Variants in WDFY4 observed in about 807,000 individuals in gnomAD.
WDFY4 encodes the protein WDFY family member 4, also known as WD repeat- and FYVE domain-containing protein 4.
Under a neutral mutation model 351.9 loss-of-function variants are expected in WDFY4, and 169 were observed. The ratio of observed to expected loss-of-function variants is 0.48; its 90% CI spans 0.42 to 0.55. WDFY4 has a LOEUF of 0.55. WDFY4 is among the 20% of genes least tolerant of loss of function. The pLI is 0.00. For missense variants in WDFY4, 3,803 were observed against 3,935.6 expected (o/e 0.97, Z 0.90); for synonymous variants, 1,622 against 1,574.6 (o/e 1.03, Z -0.71).
intron 31 of WDFY4, among the ~76,000 whole-genome samples, chr10:48,814,893 T>G (rs2067570029): frequency 6.6e-6 from 1 of 152,224 alleles, no homozygotes; most frequent in Non-Finnish European, 1.5e-5. Flanking sequence ...TGAGACCACA[T>G]GTACCCCTTT....
At chr10:48,787,884 TC>T (rs2066488242) in intron 20 of WDFY4, among the ~76,000 whole-genome samples, 17 of 89,914 alleles carry the variant, frequency 1.9e-4, no homozygotes, top group Middle Eastern at 6.3e-3. Context: ...CTTTCTTTCT[TC>T]TTCTTCTCCT....
intron 23 of WDFY4, among the ~76,000 whole-genome samples, chr10:48,792,608 G>A (rs2066721153): frequency 6.6e-6 from 1 of 152,146 alleles, no homozygotes; most frequent in Admixed American, 6.5e-5. Flanking sequence ...GCTGTGGTTA[G>A]GGATTTTAAT....
chr10:48,721,826 G>T (rs1275894835), intron 4 of WDFY4, among the ~76,000 whole-genome samples: 2 of 152,164 alleles, frequency 1.3e-5, no homozygotes, highest in Non-Finnish European at 2.9e-5. Context: ...CTGTGCACCT[G>T]CAGTCTATCT....
At chr10:48,939,778 G>A (rs183017601) in intron 47 of WDFY4, among the ~76,000 whole-genome samples, 2 of 152,314 alleles carry the variant, frequency 1.3e-5, no homozygotes, top group East Asian at 1.9e-4. Context: ...TGCTGGTAAT[G>A]GCGTCTTTCT....
chr10:48,979,624 C>CGGGT, intron 60 of WDFY4: 1 of 127,066 alleles, frequency 7.9e-6, no homozygotes, highest in African/African-American at 3.1e-5. Flanking sequence ...GATGGATGGA[C>CGGGT]GGGTGGATGG....
chr10:48,885,655 A>G (rs2070422578), intron 43 of WDFY4, among the ~76,000 whole-genome samples: 1 of 152,136 alleles, frequency 6.6e-6, no homozygotes, highest in South Asian at 2.1e-4. Flanking sequence ...ATTCCTTTCT[A>G]TATTTCCCAA....
intron 19 of WDFY4, 99 bp from the exon 20 acceptor site, chr10:48,786,540 T>C: frequency 1.2e-6 from 1 of 855,968 alleles, no homozygotes; most frequent in Non-Finnish European, 1.7e-6. Context: ...ATTTTTACTA[T>C]GAGATGAGAA....
intron 47 of WDFY4, among the ~76,000 whole-genome samples, chr10:48,917,749 T>A (rs1838683704): frequency 6.6e-6 from 1 of 152,144 alleles, no homozygotes; most frequent in African/African-American, 2.4e-5. Flanking sequence ...GTTCTTCAGG[T>A]GAAAGGGAAA....
chr10:48,919,127 A>C (rs1303264598), intron 47 of WDFY4, among the ~76,000 whole-genome samples: 2 of 152,228 alleles, frequency 1.3e-5, no homozygotes, highest in Non-Finnish European at 2.9e-5. Flanking sequence ...AAAAAGTACA[A>C]GCTGGTTCTT....
intron 2 of WDFY4, among the ~76,000 whole-genome samples, chr10:48,718,818 G>A (rs1286754743): frequency 6.6e-6 from 1 of 152,182 alleles, no homozygotes; most frequent in Non-Finnish European, 1.5e-5. Flanking sequence ...TTACGAACAG[G>A]GCTGCTACAG....
chr10:48,881,542 C>T (rs1359738942), intron 43 of WDFY4, among the ~76,000 whole-genome samples: 3 of 152,220 alleles, frequency 2.0e-5, no homozygotes, highest in African/African-American at 7.2e-5. Flanking sequence ...AGGGAAGTTG[C>T]TGGGTTGAGG....
chr10:48,913,850 G>A (rs747681722), intron 47 of WDFY4: 15 of 1,614,008 alleles, frequency 9.3e-6, no homozygotes, highest in African/African-American at 8.0e-5. Flanking sequence ...TGTTGCTGAC[G>A]TTGAGGTAGA....
At chr10:48,941,612 C>T (rs920372055) in intron 47 of WDFY4, among the ~76,000 whole-genome samples, 194 bp from the exon 48 acceptor site, 4 of 152,192 alleles carry the variant, frequency 2.6e-5, no homozygotes, top group African/African-American at 7.2e-5. Flanking sequence ...TAACCTTCAG[C>T]AGGCCAGGGT....
In WDFY4 at chr10:48,982,912, AT is replaced by A. The variant is rs1590047657; in HGVS notation, c.*339del. The A allele has an allele frequency of 2.7e-6, 1 of 374,716 alleles. No individual in the cohort carries two copies. The allele number at this position is 374,716 out of a possible 1,614,324, so 23.2% of individuals were successfully genotyped here. A position where few individuals can be genotyped will look rare whatever the true frequency, so the allele number is the denominator to read the frequency against. On this transcript the variant is annotated 3_prime_UTR_variant, in exon 62 of 62. Coordinates refer to ENST00000325239, the MANE Select transcript of WDFY4 (RefSeq NM_001394531.1). ...AAAGATGGGTCGCTTACTGGAAATTATTGTATTGTCTTTATTTTATTAAAGC... is the reference window on the plus strand; with the variant it reads ...AAAGATGGGTCGCTTACTGGAAATTATGTATTGTCTTTATTTTATTAAAGC...
At chr10:48,899,714 C>T (rs1033662212) in intron 45 of WDFY4, among the ~76,000 whole-genome samples, 1 of 152,152 alleles carries the variant, frequency 6.6e-6, no homozygotes, top group Non-Finnish European at 1.5e-5. Context: ...TTAATTTAGG[C>T]ATTAAGGAAA....
intron 1 of WDFY4, among the ~76,000 whole-genome samples, chr10:48,704,415 A>T (rs1164712084): frequency 6.6e-6 from 1 of 152,038 alleles, no homozygotes; most frequent in African/African-American, 2.4e-5. Flanking sequence ...GAACCCATCC[A>T]AGCTGGGACA....
At chr10:48,937,925 C>G (rs1840493008) in intron 47 of WDFY4, among the ~76,000 whole-genome samples, 1 of 152,114 alleles carries the variant, frequency 6.6e-6, no homozygotes, top group Non-Finnish European at 1.5e-5. Context: ...CACACTCTAC[C>G]CCTGCCACAC....
intron 57 of WDFY4, 64 bp from the exon 58 acceptor site, chr10:48,974,798 G>A: frequency 1.0e-5 from 15 of 1,445,708 alleles, no homozygotes; most frequent in Non-Finnish European, 1.4e-5. Flanking sequence ...TAGGGAGGGT[G>A]AAGAATTCCC....
intron 45 of WDFY4, 44 bp from the exon 46 acceptor site, chr10:48,900,177 G>A: frequency 1.3e-6 from 2 of 1,531,364 alleles, no homozygotes; most frequent in East Asian, 2.5e-5. Flanking sequence ...GGCGTCTCTA[G>A]TCCACAAAAT....
Sources: gnomAD v4.1 joint callset for allele counts (sites outside exome capture counted in the v4.1 genomes callset) on GRCh38, gnomAD v4.1.1 for gene constraint, MANE v1.5 for transcripts, NCBI Gene and HGNC (gene_info 2026-07-23, HGNC 2026-07-21) for gene names.